The following POU6F2 variants were observed in gnomAD, a reference collection of about 807,000 sequenced individuals.
POU6F2 encodes POU domain, class 6, transcription factor 2.
Under a neutral mutation model 71.3 loss-of-function variants are expected in POU6F2, and 31 were observed. That is an observed-to-expected ratio of 0.43 (90% CI 0.33 to 0.59). The LOEUF is 0.59. Among genes scored for constraint, POU6F2 ranks in the 20% least tolerant of loss-of-function variants. POU6F2 has a pLI of 0.04. For synonymous variants in POU6F2, 347 were observed against 355.7 expected, an observed-to-expected ratio of 0.98 and a Z score of 0.27; for missense variants, 783 against 856.8, an observed-to-expected ratio of 0.91 and a Z score of 1.07.
intron 4 of POU6F2, among the ~76,000 whole-genome samples, chr7:39,224,013 G>C (rs1408343709): frequency 6.6e-6 from 1 of 152,092 alleles, no homozygotes; most frequent in Non-Finnish European, 1.5e-5. Flanking sequence ...AGTCAAGTGT[G>C]ATGTGCAGTT....
chr7:39,368,650 A>G (rs1583555017), intron 5 of POU6F2, among the ~76,000 whole-genome samples: 2 of 152,344 alleles, frequency 1.3e-5, no homozygotes, highest in East Asian at 3.9e-4. Flanking sequence ...TCAATGCCTG[A>G]CTTCAAGCTT....
intron 1 of POU6F2, among the ~76,000 whole-genome samples, chr7:39,054,981 G>A (rs1427270488): frequency 6.6e-6 from 1 of 152,036 alleles, no homozygotes; most frequent in Non-Finnish European, 1.5e-5. Context: ...CAGGGTTGGA[G>A]TCTCCGGTGG....
At chr7:39,439,686 C>T (rs778090874) in intron 7 of POU6F2, among the ~76,000 whole-genome samples, 34 of 152,230 alleles carry the variant, frequency 2.2e-4, no homozygotes, top group Middle Eastern at 3.4e-3. Context: ...GACAGGGTTT[C>T]GCCATGTTGG....
intron 4 of POU6F2, among the ~76,000 whole-genome samples, chr7:39,327,101 A>G (rs1785517412): frequency 6.6e-6 from 1 of 152,070 alleles, no homozygotes; most frequent in Non-Finnish European, 1.5e-5. Flanking sequence ...AACACTGTGA[A>G]ACCCCGTCTC....
At chr7:39,021,950 T>C (rs1789687898) in intron 1 of POU6F2, among the ~76,000 whole-genome samples, 1 of 152,114 alleles carries the variant, frequency 6.6e-6, no homozygotes, top group African/African-American at 2.4e-5. Context: ...CCTTCTTTTT[T>C]ACTACACATA....
intron 2 of POU6F2, among the ~76,000 whole-genome samples, chr7:39,104,086 G>A (rs1267327725): frequency 6.6e-6 from 1 of 152,196 alleles, no homozygotes; most frequent in East Asian, 1.9e-4. Context: ...TGGAGCTGCC[G>A]CTCATTCCCC....
Position 39,085,864 on chromosome 7 carries a change from C to G in POU6F2, c.110C>G (p.Pro37Arg). 1 of 1,613,284 alleles carries G rather than the reference C, an allele frequency of 6.2e-7. No individual in the cohort carries two copies. The highest frequency in any genetic ancestry group is 1.1e-5 in the South Asian group (1 of 91,002). The change falls in exon 2 of 10, where the codon CCA becomes CGA. Residue 37 changes from proline to arginine, a missense_variant. Pro to Arg is a moderately radical substitution (Grantham distance 103). This residue lies in a region of POU6F2 where 572 missense variants were observed against 572.9 expected (regional missense o/e 1.00). Coordinates refer to ENST00000518318, the MANE Select transcript of POU6F2 (RefSeq NM_001370959.1). ...CACTCTTTTCGCCCATCCTAGGATCCAATGATAGCTGGACAAGTCAGTAAG... is the reference window on the plus strand; with the variant it reads ...CACTCTTTTCGCCCATCCTAGGATCGAATGATAGCTGGACAAGTCAGTAAG... Reference protein sequence around the residue: ...GTMQAVIGQDPMIAGQVSKPL... With the variant: ...GTMQAVIGQDRMIAGQVSKPL...
intron 4 of POU6F2, among the ~76,000 whole-genome samples, chr7:39,236,148 C>T (rs1355989819): frequency 6.6e-6 from 1 of 152,142 alleles, no homozygotes; most frequent in African/African-American, 2.4e-5. Flanking sequence ...AGGTAAGACT[C>T]AGAGAACCAC....
intron 2 of POU6F2, among the ~76,000 whole-genome samples, chr7:39,136,371 G>A (rs191116433): frequency 9.9e-5 from 15 of 152,248 alleles, no homozygotes; most frequent in Admixed American, 3.3e-4. Context: ...GCAAGGTACC[G>A]TCTCAAGAAC....
At chr7:39,317,718 AAG>A (rs201303539) in intron 4 of POU6F2, among the ~76,000 whole-genome samples, 2,086 of 152,322 alleles carry the variant, frequency 0.014, 38 homozygotes, top group African/African-American at 0.047. Context: ...ACCTTGGCAT[AAG>A]TGATTATTGG....
chr7:39,420,740 T>C (rs1336246579), intron 6 of POU6F2, among the ~76,000 whole-genome samples: 2 of 152,216 alleles, frequency 1.3e-5, no homozygotes, highest in Non-Finnish European at 2.9e-5. Context: ...TTTCCATTAC[T>C]TAATAATATA....
chr7:39,019,711 A>G (rs948853298), intron 1 of POU6F2, among the ~76,000 whole-genome samples: 19 of 150,450 alleles, frequency 1.3e-4, no homozygotes, highest in African/African-American at 1.7e-4. Context: ...TGTTTCATCA[A>G]TCTTTCAAAT....
chr7:39,407,910 C>G (rs567546214), intron 6 of POU6F2, among the ~76,000 whole-genome samples: 1 of 152,304 alleles, frequency 6.6e-6, no homozygotes, highest in South Asian at 2.1e-4. Context: ...AATGAATCAT[C>G]TTATCACAGG....
chr7:38,980,720 G>A (rs764467009), intron 1 of POU6F2, among the ~76,000 whole-genome samples: 25 of 150,410 alleles, frequency 1.7e-4, no homozygotes, highest in Middle Eastern at 3.4e-3. Context: ...TTTTTTTCCT[G>A]TTCTGAGTGC....
At chr7:39,303,359 G>A (rs1440055340) in intron 4 of POU6F2, among the ~76,000 whole-genome samples, 1 of 152,082 alleles carries the variant, frequency 6.6e-6, no homozygotes, top group African/African-American at 2.4e-5. Context: ...ATGTTATCCA[G>A]GATGGTCTCA....
chr7:39,355,343 CT>C (rs1460641541), intron 5 of POU6F2, among the ~76,000 whole-genome samples: 3 of 151,982 alleles, frequency 2.0e-5, no homozygotes, highest in Non-Finnish European at 2.9e-5. Flanking sequence ...TTTAAGGACA[CT>C]TTCCTTTAAG....
intron 4 of POU6F2, among the ~76,000 whole-genome samples, chr7:39,323,594 C>G (rs765852125): frequency 1.3e-5 from 2 of 152,072 alleles, no homozygotes; most frequent in Non-Finnish European, 2.9e-5. Flanking sequence ...AAGTGCCCCC[C>G]CTCATTCTCT....
chr7:39,356,736 G>A (rs1411367354), intron 5 of POU6F2, among the ~76,000 whole-genome samples: 4 of 152,178 alleles, frequency 2.6e-5, no homozygotes, highest in African/African-American at 7.2e-5. Flanking sequence ...ACTAATGAAA[G>A]AAGAGCTATT....
chr7:39,258,502 G>C (rs1421632959), intron 4 of POU6F2, among the ~76,000 whole-genome samples: 1 of 152,180 alleles, frequency 6.6e-6, no homozygotes, highest in African/African-American at 2.4e-5. Context: ...CCCTGTATAT[G>C]ATAAATTAAT....
Sources: gnomAD v4.1 joint callset for allele counts (sites outside exome capture counted in the v4.1 genomes callset) on GRCh38, gnomAD v4.1.1 for gene constraint, gnomAD v4.1.1 regional missense constraint, MANE v1.5 for transcripts, NCBI Gene and HGNC (gene_info 2026-07-23, HGNC 2026-07-21) for gene names.